Variants in SRP19 observed in about 807,000 individuals in gnomAD.
SRP19 encodes the protein signal recognition particle 19.
SRP19 carries 11 observed loss-of-function variants against 22.4 expected under a neutral mutation model. The ratio of observed to expected loss-of-function variants is 0.49; its 90% confidence interval spans 0.31 to 0.81. The LOEUF (loss-of-function observed/expected upper bound fraction) is 0.81, where lower values mean the gene tolerates loss of function less well. Ranked by LOEUF, SRP19 falls within the 40% of genes least tolerant of loss-of-function variation. SRP19 has a pLI of 0.05. For synonymous variants in SRP19, 61 were observed against 57.6 expected, an observed-to-expected ratio of 1.06 and a Z score of -0.27; for missense variants, 168 against 175.9, an observed-to-expected ratio of 0.96 and a Z score of 0.25.
At chr5:112,878,636 C>CAAAG (rs1266427708) in intron 4 of SRP19, 2 of 1,154,572 alleles carry the variant, frequency 1.7e-6, no homozygotes, top group East Asian at 2.5e-5. Context: ...TAAAAGTAAG[C>CAAAG]AAAGAAACTT....
exon 5 of SRP19, chr5:112,892,286 T>A (rs756517401): frequency 5.0e-6 from 8 of 1,614,088 alleles, no homozygotes; most frequent in Non-Finnish European, 6.8e-6. Flanking sequence ...ACGTTTGGAA[T>A]GGAGCAGTGC....
Position 112,892,056 on chromosome 5 carries a change from A to G in SRP19, c.*449A>G, listed in dbSNP as rs763752661. 6 of 1,531,352 alleles carry G rather than the reference A, an allele frequency of 3.9e-6. No individual in the cohort carries two copies. The Admixed American group carries it at 8.3e-5, about 21-fold the overall frequency. The allele number at this position is 1,531,352 out of a possible 1,614,324, so 94.9% of individuals were successfully genotyped here. On this transcript the variant is annotated 3_prime_UTR_variant, in exon 5 of 5. Transcript: ENST00000391338. ...AACAGGAGAAGAAAGAAAAAGAGGA[A>G]GCTGTGCAGAAGATGCTGGATCAGG...
chr5:112,884,835 A>C (rs1768192638), intron 4 of SRP19, among the ~76,000 whole-genome samples: 1 of 151,146 alleles, frequency 6.6e-6, no homozygotes, highest in African/African-American at 2.4e-5. Context: ...TGGTAAATAT[A>C]CTATCTAATT....
At chr5:112,884,569 G>T (rs1440225176) in intron 4 of SRP19, among the ~76,000 whole-genome samples, 3 of 151,712 alleles carry the variant, frequency 2.0e-5, no homozygotes, top group Non-Finnish European at 4.4e-5. Context: ...TAGAGAGCGG[G>T]TCTCCATAGG....
At chr5:112,881,128 C>CAAAAAAA (rs58737941) in intron 4 of SRP19, among the ~76,000 whole-genome samples, 3 of 67,202 alleles carry the variant, frequency 4.5e-5, no homozygotes, top group African/African-American at 1.8e-4. Context: ...GACTCTGTTT[C>CAAAAAAA]AAAAAAAAAA....
chr5:112,871,955 C>T (rs1010109253), downstream of SRP19, among the ~76,000 whole-genome samples: 1 of 152,188 alleles, frequency 6.6e-6, no homozygotes, highest in African/African-American at 2.4e-5. Context: ...TTCGCATCCT[C>T]TACTCACTTC....
downstream of SRP19, among the ~76,000 whole-genome samples, chr5:112,874,677 C>G (rs544611333): frequency 6.6e-6 from 1 of 152,242 alleles, no homozygotes; most frequent in Non-Finnish European, 1.5e-5. Context: ...AACTTTCAGC[C>G]CCACCCCAGA....
At chr5:112,862,621 T>TG (rs747706638) in intron 2 of SRP19, 38 bp downstream of exon 2, 42 of 1,585,006 alleles carry the variant, frequency 2.6e-5, no homozygotes, top group African/African-American at 1.1e-4. Context: ...CTCGAGGGAA[T>TG]GGGGGGTGTC....
chr5:112,861,492 C>G, intron 1 of SRP19, 75 bp downstream of exon 1: 1 of 1,518,050 alleles, frequency 6.6e-7, no homozygotes, highest in Non-Finnish European at 9.0e-7. Flanking sequence ...CCGCGCTTCT[C>G]CGCTCCGCGG....
At chr5:112,870,401 G>A (rs993403611), downstream of SRP19, among the ~76,000 whole-genome samples, 1 of 152,072 alleles carries the variant, frequency 6.6e-6, no homozygotes, top group African/African-American at 2.4e-5. Flanking sequence ...AGGACTGCTT[G>A]AGCCCTGGAG....
exon 5 of SRP19, chr5:112,892,130 CCG>C: frequency 6.2e-7 from 1 of 1,614,126 alleles, no homozygotes; most frequent in Non-Finnish European, 8.5e-7. Flanking sequence ...CCAGAACCAC[CCG>C]TGGATTTCAG....
intron 4 of SRP19, chr5:112,878,498 T>TTTAAG (rs1341031006): frequency 1.3e-5 from 5 of 397,386 alleles, no homozygotes; most frequent in Non-Finnish European, 8.9e-6. Flanking sequence ...ATAATTTTAT[T>TTTAAG]TTAAGTTTAT....
In SRP19 at chr5:112,861,334, G is replaced by T. The variant is rs761582111; in HGVS notation, c.-43G>T. ...CCGGGTTCCTCCCGGGTTTCTGCCG[G>T]GTTTCTCCCTGCGGCTCCTGGGTTG... On this transcript the variant is annotated 5_prime_UTR_variant, in exon 1 of 5. Transcript: ENST00000505459. The T allele has an allele frequency of 2.5e-6, 4 of 1,613,420 alleles. No homozygotes were observed. Among genetic ancestry groups the T allele is most frequent in the Non-Finnish European group, 3.4e-6 (4 of 1,179,406 alleles).
At position 112,868,259 on chromosome 5, in the gene SRP19, G is replaced by T; in HGVS notation, c.*722G>T. Reference sequence around the variant, plus strand: ...CTTCAACAAATGAAATTGGATTGGTGCTCCAGAATTTCAGAGCGGTTTCTG... The same window carrying T: ...CTTCAACAAATGAAATTGGATTGGTTCTCCAGAATTTCAGAGCGGTTTCTG... On this transcript the variant is annotated 3_prime_UTR_variant, in exon 5 of 5. Transcript: ENST00000505459. 2.0e-6 allele frequency: 2 copies of T among 985,502 alleles called. No homozygotes were observed. Among genetic ancestry groups the T allele is most frequent in the African/African-American group, 1.7e-5 (1 of 57,356 alleles). 61.0% of individuals were successfully genotyped at this position (985,502 alleles called of 1,614,324 possible). A position where few individuals can be genotyped will look rare whatever the true frequency, so the allele number is the denominator to read the frequency against.
intron 4 of SRP19, chr5:112,886,996 T>C (rs941705882): frequency 1.3e-6 from 2 of 1,573,486 alleles, no homozygotes; most frequent in Admixed American, 1.7e-5. Context: ...TGTGGGGCCA[T>C]CTTGTTCCTG....
At chr5:112,887,881 A>G (rs1197507541) in intron 4 of SRP19, among the ~76,000 whole-genome samples, 3 of 152,212 alleles carry the variant, frequency 2.0e-5, no homozygotes, top group Admixed American at 6.5e-5. Flanking sequence ...TGATTCAAAT[A>G]ATAAATACCA....
At chr5:112,864,844 A>G (rs1002985603) in intron 4 of SRP19, 112 bp downstream of exon 4, 19 of 764,020 alleles carry the variant, frequency 2.5e-5, no homozygotes, top group Non-Finnish European at 3.8e-5. Flanking sequence ...CTGAAGATTA[A>G]TTTAAAGACA....
downstream of SRP19, among the ~76,000 whole-genome samples, chr5:112,873,268 T>TTTC (rs1767797510): frequency 7.7e-6 from 1 of 129,498 alleles, no homozygotes; most frequent in African/African-American, 3.1e-5. Context: ...ATCCTCAGGT[T>TTTC]TTCTTTTTTT....
intron 4 of SRP19, among the ~76,000 whole-genome samples, chr5:112,888,676 G>GA (rs36068768): frequency 6.6e-6 from 1 of 150,902 alleles, no homozygotes; most frequent in East Asian, 2.0e-4. Flanking sequence ...AGTAACTCTT[G>GA]AAATGTAACC....
Sources: gnomAD v4.1 joint callset for allele counts (sites outside exome capture counted in the v4.1 genomes callset) on GRCh38, gnomAD v4.1.1 for gene constraint, MANE v1.5 for transcripts, NCBI Gene and HGNC (gene_info 2026-07-23, HGNC 2026-07-21) for gene names.